The following ZMIZ1 variants were observed in gnomAD, a reference collection of about 807,000 sequenced individuals.
ZMIZ1 encodes zinc finger MIZ-type containing 1.
ZMIZ1 carries 17 observed loss-of-function variants against 113.9 expected under a neutral mutation model. That is an observed-to-expected ratio of 0.15 (90% CI 0.10 to 0.22). The LOEUF is 0.22. Ranked by LOEUF, ZMIZ1 falls within the 10% of genes least tolerant of loss-of-function variation. ZMIZ1 has a pLI of 1.00. For synonymous variants in ZMIZ1, 607 were observed against 603.1 expected (o/e 1.01, Z -0.09); for missense variants, 1,059 against 1,477.8 (o/e 0.72, Z 4.65).
chr10:79,190,501 A>G (rs1427412349), intron 4 of ZMIZ1, among the ~76,000 whole-genome samples: 1 of 152,174 alleles, frequency 6.6e-6, no homozygotes, highest in Non-Finnish European at 1.5e-5. Context: ...TTTTCCATCT[A>G]CCACTTTTAG....
intron 2 of ZMIZ1, 82 bp from the exon 3 acceptor site, chr10:79,139,600 C>T (rs904212628): frequency 5.5e-5 from 22 of 397,484 alleles, no homozygotes; most frequent in Non-Finnish European, 9.7e-5. Context: ...ATTAGCTTGG[C>T]GGCAGGGACA....
chr10:79,223,127 G>A (rs901089735), intron 7 of ZMIZ1, among the ~76,000 whole-genome samples: 1 of 152,302 alleles, frequency 6.6e-6, no homozygotes, highest in Admixed American at 6.5e-5. Flanking sequence ...ACATGCAGCC[G>A]CCTTCCCGTT....
chr10:79,213,145 G>A (rs551795528), intron 6 of ZMIZ1, among the ~76,000 whole-genome samples: 1 of 152,288 alleles, frequency 6.6e-6, no homozygotes, highest in Non-Finnish European at 1.5e-5. Flanking sequence ...ATGGGGAGGG[G>A]GCCTTGCACC....
chr10:79,287,050 C>T (rs879699145), intron 8 of ZMIZ1, among the ~76,000 whole-genome samples: 3 of 152,236 alleles, frequency 2.0e-5, no homozygotes, highest in Non-Finnish European at 4.4e-5. Context: ...TCATCCAGCA[C>T]ACCTAGGACA....
In ZMIZ1 at chr10:79,296,548, C is replaced by G. The variant is rs748438588; in HGVS notation, c.1308C>G (p.Pro436=). 1 of 1,613,580 alleles carries G rather than the reference C, an allele frequency of 6.2e-7. No individual in the cohort carries two copies. The highest frequency in any genetic ancestry group is 1.1e-5 in the South Asian group (1 of 91,068). Residue 436 remains proline (P), a synonymous_variant, in exon 13 of 25, where the codon CCC becomes CCG. Coordinates refer to ENST00000334512, the MANE Select transcript of ZMIZ1 (RefSeq NM_020338.4). The surrounding 1 kb of genome is among the most constrained non-coding windows in gnomAD (Gnocchi z 4.1). ...TQPGQYPAPN[P]PRPLTSPNYP... is the part of the protein sequence containing the mutation. ...CAGGCCAGTACCCAGCCCCCAACCC[C>G]CCGAGGCCACTCACCTCCCCCAACT...
chr10:79,130,982 C>T (rs747613937), intron 2 of ZMIZ1, among the ~76,000 whole-genome samples: 12 of 152,150 alleles, frequency 7.9e-5, no homozygotes, highest in Non-Finnish European at 1.5e-4. Flanking sequence ...TCTAGCATCC[C>T]GCTGCACCCC....
chr10:79,082,850 G>A (rs1170814065), intron 1 of ZMIZ1, among the ~76,000 whole-genome samples: 1 of 152,204 alleles, frequency 6.6e-6, no homozygotes, highest in Non-Finnish European at 1.5e-5. Context: ...CCTGCTGGTG[G>A]GGCCTCGTGC....
At chr10:79,132,665 G>T (rs1392174508) in intron 2 of ZMIZ1, among the ~76,000 whole-genome samples, 2 of 152,210 alleles carry the variant, frequency 1.3e-5, no homozygotes, top group Non-Finnish European at 2.9e-5. Context: ...GCTCTTCAAG[G>T]TCACAGCACA....
At chr10:79,139,283 G>A (rs987409570) in intron 2 of ZMIZ1, among the ~76,000 whole-genome samples, 2 of 152,082 alleles carry the variant, frequency 1.3e-5, no homozygotes, top group South Asian at 2.1e-4. Flanking sequence ...CAGGCACGGC[G>A]CAGAGAGGAG....
At chr10:79,249,783 G>T (rs547898586) in intron 7 of ZMIZ1, among the ~76,000 whole-genome samples, 18 of 152,258 alleles carry the variant, frequency 1.2e-4, no homozygotes, top group Middle Eastern at 3.4e-3. Flanking sequence ...GGCCTACCCT[G>T]TTGGCAGCTC....
At chr10:79,309,179 A>C (rs772543658) in intron 23 of ZMIZ1, among the ~76,000 whole-genome samples, 5 of 152,196 alleles carry the variant, frequency 3.3e-5, no homozygotes, top group Non-Finnish European at 7.4e-5. Flanking sequence ...CTCTATCCAG[A>C]TGCTGCTGCC....
At chr10:79,160,808 C>T (rs946141268) in intron 3 of ZMIZ1, among the ~76,000 whole-genome samples, 3 of 152,266 alleles carry the variant, frequency 2.0e-5, no homozygotes, top group East Asian at 1.9e-4. Flanking sequence ...CCACCTCTCC[C>T]GCTGTGAGCC....
Position 79,300,900 on chromosome 10 carries a change from G to A in ZMIZ1, c.1977G>A (p.Pro659=), listed in dbSNP as rs149676739. The A allele has an allele frequency of 1.2e-4, 187 of 1,612,612 alleles. No individual in the cohort carries two copies. In the African/African-American group the frequency reaches 1.4e-3, roughly 12 times the overall value. ...TGCACCTGAAGCACGTGTGCCAGCC[G>A]GGCCGCAACACCATCCAGATCACCG... ...KPLHLKHVCQ[P]GRNTIQITVT... Residue 659 remains proline, a synonymous_variant, in exon 17 of 25, where the codon CCG becomes CCA. Transcript: ENST00000334512.
At chr10:79,222,416 A>T (rs1013350480) in intron 7 of ZMIZ1, among the ~76,000 whole-genome samples, 1 of 152,144 alleles carries the variant, frequency 6.6e-6, no homozygotes, top group African/African-American at 2.4e-5. Flanking sequence ...AGCCCTGTGG[A>T]CATGAGTGTT....
chr10:79,094,268 G>A (rs946716), intron 1 of ZMIZ1, among the ~76,000 whole-genome samples: 61,518 of 152,090 alleles, frequency 0.4, 13,235 homozygotes, highest in African/African-American at 0.55. Flanking sequence ...CATGCCAGGT[G>A]CAGAGCCCAC....
chr10:79,073,502 A>G (rs923251709), intron 1 of ZMIZ1, among the ~76,000 whole-genome samples: 2 of 152,112 alleles, frequency 1.3e-5, no homozygotes, highest in African/African-American at 4.8e-5. Flanking sequence ...GAGTGTTAAC[A>G]TGTTCTGCTA....
In ZMIZ1 at chr10:79,314,514, G is replaced by T; in HGVS notation, c.*1765G>T. The T allele has an allele frequency of 3.0e-6, 1 of 332,942 alleles. No individual in the cohort carries two copies. The highest frequency in any genetic ancestry group is 5.9e-6 in the Non-Finnish European group (1 of 169,188). 20.6% of individuals were successfully genotyped at this position (332,942 alleles called of 1,614,324 possible). On this transcript the variant is annotated 3_prime_UTR_variant, in exon 25 of 25. Coordinates refer to ENST00000334512, the MANE Select transcript of ZMIZ1 (RefSeq NM_020338.4). The stretch of plus-strand genomic sequence containing the variant: ...CCCGTTGTCGAGGTTTTTTCAAATA[G>T]CGTGTTGTTCAGTATGCAAATCAAT...
At chr10:79,312,240 TCGCCTTCC>T (rs1327870879) in intron 24 of ZMIZ1, among the ~76,000 whole-genome samples, 1 of 152,166 alleles carries the variant, frequency 6.6e-6, no homozygotes, top group East Asian at 1.9e-4. Flanking sequence ...CAGGAACCAC[TCGCCTTCC>T]CGCCTTCCCA....
intron 1 of ZMIZ1, among the ~76,000 whole-genome samples, chr10:79,105,429 G>C (rs568473263): frequency 5.8e-4 from 88 of 152,336 alleles, no homozygotes; most frequent in African/African-American, 1.9e-3. Context: ...AGGCTGCCTC[G>C]ATCCTGAGAG....
Sources: allele counts gnomAD v4.1 joint callset (sites outside exome capture counted in the v4.1 genomes callset), GRCh38; gene constraint gnomAD v4.1.1; non-coding constraint Gnocchi (gnomAD v3.1); transcripts MANE v1.5; gene names NCBI Gene and HGNC (gene_info 2026-07-23, HGNC 2026-07-21).